MARK3: variants seen among roughly 807,000 people sequenced by gnomAD.
MARK3 encodes the protein MAP/microtubule affinity-regulating kinase 3.
Under a neutral mutation model 90.1 loss-of-function variants are expected in MARK3, and 46 were observed. That is an observed-to-expected ratio of 0.51 (90% confidence interval 0.40 to 0.65). MARK3 has a LOEUF of 0.65. Ranked by LOEUF, MARK3 falls within the 30% of genes least tolerant of loss-of-function variation. The pLI is 0.00. For missense variants in MARK3, 818 were observed against 947.2 expected (o/e 0.86, Z 1.79); for synonymous variants, 321 against 332.6 (o/e 0.97, Z 0.38).
At chr14:103,403,646 A>G (rs534931459) in intron 1 of MARK3, among the ~76,000 whole-genome samples, 1 of 152,336 alleles carries the variant, frequency 6.6e-6, no homozygotes, top group Non-Finnish European at 1.5e-5. Flanking sequence ...GCTTCTTTTA[A>G]AACTAGACTG....
intron 3 of MARK3, among the ~76,000 whole-genome samples, chr14:103,432,855 CA>C (rs923684301): frequency 6.6e-6 from 1 of 151,362 alleles, no homozygotes; most frequent in African/African-American, 2.4e-5. Flanking sequence ...GACCCTGTCT[CA>C]AAAAAAAGCT....
intron 3 of MARK3, among the ~76,000 whole-genome samples, chr14:103,442,313 T>G (rs1294823367): frequency 6.6e-6 from 1 of 151,024 alleles, no homozygotes; most frequent in East Asian, 1.9e-4. Context: ...GAGCTTGCAG[T>G]GAGCGGACAT....
chr14:103,430,365 G>GCCCCCCCATCTTCCCCCAC (rs2092544304), intron 3 of MARK3, among the ~76,000 whole-genome samples: 1 of 94,454 alleles, frequency 1.1e-5, no homozygotes, highest in African/African-American at 4.2e-5. Context: ...CTTATCCCCA[G>GCCCCCCCATCTTCCCCCAC]CCCCCCCATC....
intron 1 of MARK3, among the ~76,000 whole-genome samples, chr14:103,386,761 C>A (rs1028064636): frequency 6.6e-6 from 1 of 152,200 alleles, no homozygotes; most frequent in Non-Finnish European, 1.5e-5. Flanking sequence ...GAGGGACACC[C>A]GCTGGGGGCT....
At chr14:103,480,757 G>C (rs1794063332) in intron 14 of MARK3, among the ~76,000 whole-genome samples, 1 of 152,214 alleles carries the variant, frequency 6.6e-6, no homozygotes, top group South Asian at 2.1e-4. Flanking sequence ...GAAGTAGATA[G>C]TAAGCTGTGG....
intron 15 of MARK3, among the ~76,000 whole-genome samples, chr14:103,495,186 C>G (rs2075272364): frequency 6.6e-6 from 1 of 152,106 alleles, no homozygotes; most frequent in Admixed American, 6.6e-5. Context: ...TAAAAAGTAT[C>G]AGGGCCTGGT....
At chr14:103,398,223 A>G (rs551284766) in intron 1 of MARK3, among the ~76,000 whole-genome samples, 7 of 152,282 alleles carry the variant, frequency 4.6e-5, no homozygotes, top group African/African-American at 1.7e-4. Context: ...TTTGGGATAT[A>G]TAGCTTGGAA....
intron 14 of MARK3, chr14:103,490,913 C>T (rs1463459698): frequency 8.1e-7 from 1 of 1,235,024 alleles, no homozygotes; most frequent in Non-Finnish European, 1.1e-6. Context: ...CTCCTTCATA[C>T]TGTGTTTCTG....
At chr14:103,497,968 A>G (rs1175168458) in intron 15 of MARK3, among the ~76,000 whole-genome samples, 1 of 152,196 alleles carries the variant, frequency 6.6e-6, no homozygotes, top group African/African-American at 2.4e-5. Flanking sequence ...TGTAATCCCA[A>G]CACTCTGGGA....
chr14:103,479,928 C>T (rs2141847669), intron 13 of MARK3, among the ~76,000 whole-genome samples: 1 of 152,230 alleles, frequency 6.6e-6, no homozygotes, highest in East Asian at 1.9e-4. Flanking sequence ...GTGTGAGCTA[C>T]CGCGCCCAGC....
At chr14:103,464,565 G>A (rs1034353099) in intron 7 of MARK3, among the ~76,000 whole-genome samples, 2 of 152,066 alleles carry the variant, frequency 1.3e-5, no homozygotes, top group African/African-American at 4.8e-5. Flanking sequence ...CTCCCAAAGT[G>A]CTGTGATTAC....
intron 7 of MARK3, among the ~76,000 whole-genome samples, chr14:103,463,878 A>T (rs528659430): frequency 6.6e-6 from 1 of 152,164 alleles, no homozygotes; most frequent in Non-Finnish European, 1.5e-5. Context: ...TTAAGCCCTG[A>T]CCATCTCCCC....
In MARK3 at chr14:103,476,927, G is replaced by A. The variant is rs572644506; in HGVS notation, c.1482+1717G>A. On this transcript the variant is annotated intron_variant, in intron 13 of 17. Coordinates refer to ENST00000429436, the MANE Select transcript of MARK3 (RefSeq NM_001128918.3). ...CTGCAGTTAAAATTCCGTCTCCAAC[G>A]TTTGTTGACAGTTACCAGAGAAGAT... is the stretch of plus-strand genomic sequence containing the variant. Among the ~76,000 whole-genome samples the A allele has an allele frequency of 1.4e-4, 22 of 152,272 alleles. No individual in the cohort carries two copies. In the South Asian group the frequency reaches 1.4e-3, roughly 10 times the overall value.
At chr14:103,490,942 C>G in intron 14 of MARK3, 2 of 1,265,594 alleles carry the variant, frequency 1.6e-6, no homozygotes, top group Non-Finnish European at 2.1e-6. Flanking sequence ...TGAACCCAAA[C>G]CCCTCCCAGC....
intron 3 of MARK3, among the ~76,000 whole-genome samples, chr14:103,438,893 C>G (rs765922264): frequency 2.6e-5 from 4 of 151,640 alleles, no homozygotes; most frequent in Non-Finnish European, 5.9e-5. Flanking sequence ...GGGGCTGAGG[C>G]TGGAGGATTG....
In MARK3 at chr14:103,386,285, A is replaced by G. The variant is rs778568676; in HGVS notation, c.51+205A>G. ...GTTCGCGGGCGGGTCTGCGAAGTAC[A>G]TCGATTATGCCGGCAGTCTAGTCGG... On this transcript the variant is annotated intron_variant, in intron 1 of 17. Transcript: ENST00000429436. The G allele has an allele frequency of 1.5e-4, 106 of 706,238 alleles. No individual in the cohort carries two copies. Among genetic ancestry groups the G allele is most frequent in the Non-Finnish European group, 2.7e-4 (102 of 384,296 alleles). The allele number at this position is 706,238 out of a possible 1,614,324, so 43.7% of individuals were successfully genotyped here.
intron 7 of MARK3, among the ~76,000 whole-genome samples, chr14:103,463,436 G>A (rs2093440128): frequency 6.6e-6 from 1 of 152,112 alleles, no homozygotes; most frequent in South Asian, 2.1e-4. Context: ...GGACCCAGCT[G>A]AGCAAAGGGT....
intron 1 of MARK3, among the ~76,000 whole-genome samples, chr14:103,387,474 A>G (rs1227766741): frequency 6.6e-6 from 1 of 151,604 alleles, no homozygotes; most frequent in African/African-American, 2.4e-5. Flanking sequence ...AACCTTATTT[A>G]TTTGTTTATT....
Position 103,413,642 on chromosome 14 carries a change from G to C in MARK3, c.243+8375G>C, listed in dbSNP as rs148163602. On this transcript the variant is annotated intron_variant, in intron 2 of 17. Coordinates refer to ENST00000429436, the MANE Select transcript of MARK3 (RefSeq NM_001128918.3). ...ATTTTATTTTATTTTATTTTTGGTAGAGATGGAGTTTCACCATATTGCCCA... is the reference window on the plus strand; with the variant it reads ...ATTTTATTTTATTTTATTTTTGGTACAGATGGAGTTTCACCATATTGCCCA... 1.1e-3 allele frequency among the ~76,000 whole-genome samples: 157 copies of C among 138,758 alleles called. 5 individuals carry two copies. In the East Asian group the frequency reaches 0.028, roughly 25 times the overall value. The allele number at this position is 138,758 out of a possible 152,430, so 91.0% of individuals were successfully genotyped here. A position where few individuals can be genotyped will look rare whatever the true frequency, so the allele number is the denominator to read the frequency against.
Sources: gnomAD v4.1 joint callset for allele counts (sites outside exome capture counted in the v4.1 genomes callset) on GRCh38, gnomAD v4.1.1 for gene constraint, MANE v1.5 for transcripts, NCBI Gene and HGNC (gene_info 2026-07-23, HGNC 2026-07-21) for gene names.